PDE11A: variants seen among roughly 807,000 people sequenced by gnomAD.
PDE11A encodes the protein phosphodiesterase 11A.
In PDE11A, 100 loss-of-function variants were observed where a neutral mutation model predicts 100.5. The ratio of observed to expected loss-of-function variants is 1.00; its 90% CI spans 0.85 to 1.18. The LOEUF (loss-of-function observed/expected upper bound fraction) is 1.18. Among genes scored for constraint, PDE11A ranks in the 50% most tolerant of loss-of-function variants. PDE11A has a pLI of 0.00. For synonymous variants in PDE11A, 381 were observed against 420.8 expected (o/e 0.91, Z 1.16); for missense variants, 1,141 against 1,152.6 (o/e 0.99, Z 0.15).
chr2:177,986,369 A>G (rs1311612202), intron 2 of PDE11A, among the ~76,000 whole-genome samples: 6 of 151,886 alleles, frequency 4.0e-5, no homozygotes, highest in Non-Finnish European at 4.4e-5. Flanking sequence ...GCCTTTTCAC[A>G]GTCTCTGTGT....
chr2:178,032,608 A>T (rs1040728979), intron 1 of PDE11A, among the ~76,000 whole-genome samples: 1 of 152,190 alleles, frequency 6.6e-6, no homozygotes, highest in African/African-American at 2.4e-5. Context: ...TACTGGGAGA[A>T]ACCTCCCAAC....
chr2:177,943,910 A>C (rs780530620), intron 2 of PDE11A, among the ~76,000 whole-genome samples: 8 of 152,196 alleles, frequency 5.3e-5, no homozygotes, highest in Admixed American at 4.6e-4. Context: ...TGTAAGGTGT[A>C]AAATAAGGCC....
At chr2:178,000,066 C>T (rs2086125193) in intron 2 of PDE11A, among the ~76,000 whole-genome samples, 1 of 152,110 alleles carries the variant, frequency 6.6e-6, no homozygotes. Flanking sequence ...GGGAAATGCT[C>T]TTTTGTTGAT....
intron 16 of PDE11A, among the ~76,000 whole-genome samples, chr2:177,677,703 G>A (rs1375875311): frequency 6.6e-6 from 1 of 152,176 alleles, no homozygotes; most frequent in Non-Finnish European, 1.5e-5. Context: ...AGGGATGGAA[G>A]ATTGCAAAGG....
intron 10 of PDE11A, among the ~76,000 whole-genome samples, chr2:177,749,495 A>G (rs918272056): frequency 1.3e-5 from 2 of 152,032 alleles, no homozygotes; most frequent in Non-Finnish European, 2.9e-5. Flanking sequence ...AGTATGTCCA[A>G]AGTTATTCTT....
At chr2:177,772,701 A>G (rs998998230) in intron 9 of PDE11A, among the ~76,000 whole-genome samples, 3 of 142,624 alleles carry the variant, frequency 2.1e-5, no homozygotes, top group African/African-American at 8.4e-5. Flanking sequence ...AACTCTTCCC[A>G]CTTCCTTTAT....
At chr2:177,940,088 T>C (rs994440926) in intron 2 of PDE11A, among the ~76,000 whole-genome samples, 5 of 152,038 alleles carry the variant, frequency 3.3e-5, no homozygotes, top group Non-Finnish European at 5.9e-5. Flanking sequence ...CACGATAACA[T>C]GGGAGGAGGA....
intron 13 of PDE11A, among the ~76,000 whole-genome samples, chr2:177,705,949 G>A (rs747929060): frequency 8.5e-5 from 13 of 152,174 alleles, no homozygotes; most frequent in Non-Finnish European, 1.9e-4. Context: ...AATCATCAGG[G>A]GCAGCTGTAA....
intron 16 of PDE11A, among the ~76,000 whole-genome samples, chr2:177,676,825 C>T (rs775823949): frequency 2.6e-5 from 4 of 152,192 alleles, no homozygotes; most frequent in African/African-American, 7.2e-5. Context: ...CTAAATGAAT[C>T]GTCATCACCA....
In PDE11A at chr2:177,623,536, C is replaced by G; in HGVS notation, c.*5871G>C. 6.6e-6 allele frequency: 1 copy of G among 152,174 alleles called. No individual in the cohort carries two copies. Among genetic ancestry groups the G allele is most frequent in the East Asian group, 1.9e-4 (1 of 5,202 alleles). 9.4% of individuals were successfully genotyped at this position (152,174 alleles called of 1,614,324 possible). ...AATAAAATGGCAAAAGCAATTTCCCCCCAAGGGAATGAGACTCAACAAAAC... is the reference window on the plus strand; with the variant it reads ...AATAAAATGGCAAAAGCAATTTCCCGCCAAGGGAATGAGACTCAACAAAAC... On this transcript the variant is annotated 3_prime_UTR_variant, in exon 20 of 20. Transcript: ENST00000286063.
chr2:177,676,846 A>G (rs982703388), intron 16 of PDE11A, among the ~76,000 whole-genome samples: 1 of 152,236 alleles, frequency 6.6e-6, no homozygotes, highest in Non-Finnish European at 1.5e-5. Context: ...CCCCAGAGGT[A>G]GTTGCTATTA....
chr2:177,750,684 C>T (rs993048227), intron 10 of PDE11A, among the ~76,000 whole-genome samples: 1 of 152,184 alleles, frequency 6.6e-6, no homozygotes, highest in Admixed American at 6.5e-5. Context: ...TAGTACTCTA[C>T]CATTTGAGGC....
chr2:177,922,759 C>T, intron 2 of PDE11A: 1 of 985,402 alleles, frequency 1.0e-6, no homozygotes, highest in Non-Finnish European at 1.2e-6. Context: ...ACACTCAAAG[C>T]CCTTCATAAT....
chr2:177,783,449 C>A (rs542893061), intron 9 of PDE11A, among the ~76,000 whole-genome samples: 15 of 152,208 alleles, frequency 9.9e-5, no homozygotes, highest in Admixed American at 9.8e-4. Flanking sequence ...TTTCTAAATT[C>A]TTTCTGAGCA....
chr2:177,942,332 C>T (rs2085353843), intron 2 of PDE11A, among the ~76,000 whole-genome samples: 1 of 152,200 alleles, frequency 6.6e-6, no homozygotes, highest in Non-Finnish European at 1.5e-5. Flanking sequence ...CAGGACCTGG[C>T]ACCTAACAAG....
At chr2:177,732,528 C>T (rs1385832393) in intron 10 of PDE11A, among the ~76,000 whole-genome samples, 1 of 152,160 alleles carries the variant, frequency 6.6e-6, no homozygotes, top group Non-Finnish European at 1.5e-5. Flanking sequence ...GGCAGCACTA[C>T]TCCACTCCAG....
At chr2:177,940,711 G>A (rs2085336381) in intron 2 of PDE11A, among the ~76,000 whole-genome samples, 1 of 152,172 alleles carries the variant, frequency 6.6e-6, no homozygotes, top group African/African-American at 2.4e-5. Context: ...TGGGATAAGG[G>A]CTCTGTCAAA....
chr2:177,786,520 G>A (rs1201061846), intron 9 of PDE11A, among the ~76,000 whole-genome samples: 7 of 152,244 alleles, frequency 4.6e-5, no homozygotes, highest in South Asian at 2.1e-4. Context: ...CACCAGCAAC[G>A]GAACAAAGCT....
intron 2 of PDE11A, among the ~76,000 whole-genome samples, chr2:177,955,761 C>T (rs1180226333): frequency 6.6e-6 from 1 of 152,144 alleles, no homozygotes; most frequent in East Asian, 1.9e-4. Context: ...TGCCACATAT[C>T]TACAACTATC....
Sources: allele counts gnomAD v4.1 joint callset (sites outside exome capture counted in the v4.1 genomes callset), GRCh38; gene constraint gnomAD v4.1.1; transcripts MANE v1.5; gene names NCBI Gene and HGNC (gene_info 2026-07-23, HGNC 2026-07-21).